The following SNX29 variants were observed in gnomAD, a reference collection of about 807,000 sequenced individuals.
The protein encoded by SNX29 is sorting nexin-29.
In SNX29, 78 loss-of-function variants were observed where a neutral mutation model predicts 102.1. The ratio of observed to expected loss-of-function variants is 0.76; its 90% CI spans 0.64 to 0.92. The LOEUF is 0.92. Among genes scored for constraint, SNX29 ranks in the 40% least tolerant of loss-of-function variants. The pLI, the probability that SNX29 is intolerant of heterozygous loss-of-function variation, is 0.00. For missense variants in SNX29, 1,280 were observed against 1,061.7 expected (o/e 1.21, Z -2.86); for synonymous variants, 580 against 414.5 (o/e 1.40, Z -4.85).
At chr16:12,193,383 C>A (rs1184366820) in intron 13 of SNX29, among the ~76,000 whole-genome samples, 1 of 150,730 alleles carries the variant, frequency 6.6e-6, no homozygotes, top group Non-Finnish European at 1.5e-5. Flanking sequence ...GCAGGAGAAT[C>A]ACTTGAAGCC....
chr16:12,048,923 T>C (rs539100007), intron 7 of SNX29, among the ~76,000 whole-genome samples: 3 of 152,318 alleles, frequency 2.0e-5, no homozygotes, highest in African/African-American at 7.2e-5. Context: ...CTTTATTTGT[T>C]CCTTCATCGT....
intron 11 of SNX29, among the ~76,000 whole-genome samples, chr16:12,120,077 C>T (rs918106402): frequency 7.2e-5 from 11 of 151,934 alleles, no homozygotes; most frequent in South Asian, 2.1e-4. Flanking sequence ...AGAAACAGAA[C>T]GAAAAGTTAG....
intron 15 of SNX29, among the ~76,000 whole-genome samples, chr16:12,314,397 G>A (rs571499422): frequency 2.0e-5 from 3 of 152,358 alleles, no homozygotes; most frequent in East Asian, 1.9e-4. Flanking sequence ...TGGTGGTTGC[G>A]AGTGGACTCT....
At chr16:12,261,105 T>C (rs1358318835) in intron 14 of SNX29, among the ~76,000 whole-genome samples, 3 of 148,344 alleles carry the variant, frequency 2.0e-5, no homozygotes, top group Non-Finnish European at 3.0e-5. Flanking sequence ...AGGTGGGATC[T>C]GTGCATGAGT....
chr16:12,393,189 C>T (rs1438161596), intron 16 of SNX29, among the ~76,000 whole-genome samples: 4 of 152,134 alleles, frequency 2.6e-5, no homozygotes, highest in Non-Finnish European at 4.4e-5. Context: ...ATAGGATCTT[C>T]CTTGTTGCTT....
intron 4 of SNX29, among the ~76,000 whole-genome samples, chr16:12,034,539 G>C (rs1253839572): frequency 6.6e-6 from 1 of 152,198 alleles, no homozygotes; most frequent in Non-Finnish European, 1.5e-5. Flanking sequence ...CTGGGTCACT[G>C]GATCATGGGC....
At chr16:12,173,122 G>C (rs1425088326) in intron 13 of SNX29, among the ~76,000 whole-genome samples, 2 of 152,288 alleles carry the variant, frequency 1.3e-5, no homozygotes, top group African/African-American at 4.8e-5. Context: ...AATTGGCGCC[G>C]GTAAGTTCTG....
chr16:12,111,815 T>C (rs2053513192), intron 11 of SNX29, among the ~76,000 whole-genome samples: 1 of 151,862 alleles, frequency 6.6e-6, no homozygotes, highest in African/African-American at 2.4e-5. Context: ...ATCATGGGAG[T>C]ACGGAGAGGT....
intron 3 of SNX29, among the ~76,000 whole-genome samples, chr16:12,010,882 C>A (rs550087265): frequency 1.3e-5 from 2 of 152,174 alleles, no homozygotes; most frequent in East Asian, 1.9e-4. Flanking sequence ...TCACGTGTAT[C>A]CCCCAGAGGA....
At chr16:12,133,463 T>C (rs1478245595) in intron 13 of SNX29, among the ~76,000 whole-genome samples, 4 of 151,886 alleles carry the variant, frequency 2.6e-5, no homozygotes, top group Non-Finnish European at 5.9e-5. Flanking sequence ...CTAATTTTTG[T>C]ATCTTTTTGT....
chr16:12,276,338 T>G (rs1413200010), intron 14 of SNX29, among the ~76,000 whole-genome samples: 1 of 152,344 alleles, frequency 6.6e-6, no homozygotes, highest in Admixed American at 6.5e-5. Context: ...CCTGCATTCG[T>G]GGCCCAGGAC....
Position 12,198,504 on chromosome 16 carries a change from G to A in SNX29, c.1596-1097G>A, listed in dbSNP as rs563413951. Among the ~76,000 whole-genome samples the A allele has an allele frequency of 1.4e-4, 22 of 152,122 alleles. No individual in the cohort carries two copies. In the South Asian group the frequency reaches 2.1e-3, roughly 14 times the overall value. On this transcript the variant is annotated intron_variant, in intron 13 of 20. Transcript: ENST00000566228. ...AAAAACCCAGTCTTCAGCTCTTCTC[G>A]TTGCAAGGAAAGAAAAAATATTCTA...
At chr16:12,482,742 C>T (rs1286632656) in intron 19 of SNX29, among the ~76,000 whole-genome samples, 2 of 152,202 alleles carry the variant, frequency 1.3e-5, no homozygotes, top group Non-Finnish European at 2.9e-5. Flanking sequence ...AGATGAGTAT[C>T]CTTCTAGCCT....
intron 20 of SNX29, among the ~76,000 whole-genome samples, chr16:12,552,872 G>C (rs910487782): frequency 6.6e-6 from 1 of 152,236 alleles, no homozygotes; most frequent in Non-Finnish European, 1.5e-5. Flanking sequence ...GCAGGGCCTG[G>C]GGAGACATGG....
At chr16:12,398,772 C>T (rs2083820757) in intron 17 of SNX29, among the ~76,000 whole-genome samples, 1 of 151,726 alleles carries the variant, frequency 6.6e-6, no homozygotes, top group South Asian at 2.1e-4. Flanking sequence ...CACAAATTTC[C>T]TTTATTTTCT....
At chr16:11,978,850 C>T (rs968481280) in intron 1 of SNX29, among the ~76,000 whole-genome samples, 3 of 151,408 alleles carry the variant, frequency 2.0e-5, no homozygotes, top group East Asian at 1.9e-4. Flanking sequence ...GCTTAAACCC[C>T]GGTGCCAGAG....
intron 20 of SNX29, chr16:12,546,573 G>A (rs530609350): frequency 6.6e-6 from 1 of 152,204 alleles, no homozygotes; most frequent in Non-Finnish European, 1.5e-5. Context: ...CACATGGTTT[G>A]GCTGTGTCCC....
At chr16:12,218,995 C>A (rs535097329) in intron 14 of SNX29, among the ~76,000 whole-genome samples, 1 of 152,054 alleles carries the variant, frequency 6.6e-6, no homozygotes, top group Non-Finnish European at 1.5e-5. Flanking sequence ...AGGTTGGTCT[C>A]GATCTCCTGA....
intron 14 of SNX29, among the ~76,000 whole-genome samples, chr16:12,257,521 T>TC (rs1567364653): frequency 1.7e-4 from 18 of 106,112 alleles, no homozygotes; most frequent in African/African-American, 7.1e-4. Context: ...CTCTCTCTCT[T>TC]TAAGAGAGAC....
Sources: allele counts gnomAD v4.1 joint callset (sites outside exome capture counted in the v4.1 genomes callset), GRCh38; gene constraint gnomAD v4.1.1; transcripts MANE v1.5; gene names NCBI Gene and HGNC (gene_info 2026-07-23, HGNC 2026-07-21).